Variants in SDC3 observed in about 807,000 individuals in gnomAD.
SDC3 encodes syndecan 3, also known as syndecan-3.
Under a neutral mutation model 24.4 loss-of-function variants are expected in SDC3, and 13 were observed. The observed-to-expected ratio is 0.53, with a 90% CI of 0.35 to 0.85. The LOEUF is 0.85. Among genes scored for constraint, SDC3 ranks in the 40% least tolerant of loss-of-function variants. The pLI, the probability that SDC3 is intolerant of heterozygous loss-of-function variation, is 0.01. For synonymous variants in SDC3, 295 were observed against 260.9 expected, an observed-to-expected ratio of 1.13 and a Z score of -1.26; for missense variants, 571 against 584.5, an observed-to-expected ratio of 0.98 and a Z score of 0.24.
chr1:30,894,238 CGT>C (rs1247247797), intron 1 of SDC3, among the ~76,000 whole-genome samples: 4 of 131,054 alleles, frequency 3.1e-5, no homozygotes, highest in South Asian at 2.7e-4. Flanking sequence ...GGGACGACAG[CGT>C]GTGTGTGGAT....
chr1:30,876,699 G>T lies in SDC3; in HGVS notation c.723C>A (p.Thr241=), dbSNP rs142712210. 6.2e-7 allele frequency: 1 copy of T among 1,602,300 alleles called. No individual in the cohort carries two copies. Residue 241 remains threonine, a synonymous_variant, in exon 3 of 5, where the codon ACC becomes ACA. Transcript: ENST00000339394. Reference sequence around the variant, plus strand: ...TGACCAGCCTGGGTGTTGGGGCCTCGGTGTCCAAGACAGCCGCCGTGGTGG... The same window carrying T: ...TGACCAGCCTGGGTGTTGGGGCCTCTGTGTCCAAGACAGCCGCCGTGGTGG... ...SPPTTAAVLD[T]EAPTPRLVST...
intron 1 of SDC3, among the ~76,000 whole-genome samples, chr1:30,900,594 A>G (rs1221807881): frequency 6.6e-6 from 1 of 151,814 alleles, no homozygotes; most frequent in Non-Finnish European, 1.5e-5. Flanking sequence ...ACCTCCCCCC[A>G]GCTCTCCAGG....
chr1:30,891,864 AAAG>A (rs1157667414), intron 1 of SDC3, among the ~76,000 whole-genome samples: 1 of 151,204 alleles, frequency 6.6e-6, no homozygotes, highest in African/African-American at 2.4e-5. Context: ...AAAAAAAAAA[AAAG>A]AGGAAGAAGA....
At chr1:30,899,306 C>T (rs1317285800) in intron 1 of SDC3, among the ~76,000 whole-genome samples, 1 of 152,128 alleles carries the variant, frequency 6.6e-6, no homozygotes, top group Admixed American at 6.5e-5. Context: ...AGGCTGGTCT[C>T]GAACTCCTGA....
At chr1:30,893,831 C>T (rs996239214) in intron 1 of SDC3, among the ~76,000 whole-genome samples, 2 of 152,172 alleles carry the variant, frequency 1.3e-5, no homozygotes, top group African/African-American at 2.4e-5. Flanking sequence ...CCTGCTACCC[C>T]CTAGCCTGCC....
chr1:30,876,928 G>A lies in SDC3; in HGVS notation c.494C>T (p.Thr165Ile). The A allele has an allele frequency of 6.2e-7, 1 of 1,613,804 alleles. No individual in the cohort carries two copies. Among genetic ancestry groups the A allele is most frequent in the Non-Finnish European group, 8.5e-7 (1 of 1,179,922 alleles). The change falls in exon 3 of 5, where the codon ACC (threonine) becomes ATC (isoleucine). Residue 165 changes from threonine to isoleucine, a missense_variant. Thr to Ile is a moderately conservative substitution (Grantham distance 89, BLOSUM62 -1). This residue lies in a region of SDC3 where 497 missense variants were observed against 471.6 expected (regional missense o/e 1.05). Transcript: ENST00000339394. ...RATTVSTTMA[T>I]TAATSTGDPT... ...GTCCCCTGTGCTTGTGGCAGCAGTG[G>A]TAGCCATGGTAGTGGAGACGGTGGT...
chr1:30,905,068 C>G (rs1638490665), intron 1 of SDC3, among the ~76,000 whole-genome samples: 1 of 152,120 alleles, frequency 6.6e-6, no homozygotes, highest in Admixed American at 6.5e-5. Flanking sequence ...CTGTGCCTGT[C>G]CCCCAAATGC....
chr1:30,894,626 TGA>T (rs1191761433), intron 1 of SDC3, among the ~76,000 whole-genome samples: 7 of 34,138 alleles, frequency 2.1e-4, no homozygotes, highest in South Asian at 3.4e-3. Flanking sequence ...TGAGTGTGGG[TGA>T]GAGTGTGTGG....
rs1242046600 is a variant in SDC3 at position 30,895,430 on chromosome 1, C to A, written c.138+13019G>T. Among the ~76,000 whole-genome samples the A allele has an allele frequency of 2.0e-5, 3 of 152,336 alleles. No homozygotes were observed. In the East Asian group the frequency reaches 5.8e-4, roughly 29 times the overall value. On this transcript the variant is annotated intron_variant, in intron 1 of 4. Coordinates refer to ENST00000339394, the MANE Select transcript of SDC3 (RefSeq NM_014654.4). ...CAGCTCACATGAGAATAGGATCCAG[C>A]CAGCCAGGGCTCAGCTCCCAGAGGC... is the stretch of plus-strand genomic sequence containing the variant.
At position 30,907,912 on chromosome 1, in the gene SDC3, C is replaced by A. The variant is rs977178471; in HGVS notation, c.138+537G>T. Among the ~76,000 whole-genome samples the A allele has an allele frequency of 2.6e-5, 4 of 152,222 alleles. No individual in the cohort carries two copies. The South Asian group carries it at 8.3e-4, about 32-fold the overall frequency. On this transcript the variant is annotated intron_variant, in intron 1 of 4. Transcript: ENST00000339394. The stretch of plus-strand genomic sequence containing the variant: ...CACACCCTCCCCTCGGAAGGGGAAC[C>A]GATCCGATTCCCAAAAAGTGGCCAT...
At chr1:30,878,590 C>A in intron 2 of SDC3, 33 bp downstream of exon 2, 2 of 1,560,318 alleles carry the variant, frequency 1.3e-6, no homozygotes, top group Middle Eastern at 1.7e-4. Context: ...CTGGTCACTG[C>A]CCCCAGGCAG....
At chr1:30,908,190 C>T (rs941724652) in intron 1 of SDC3, among the ~76,000 whole-genome samples, 3 of 151,498 alleles carry the variant, frequency 2.0e-5, no homozygotes, top group Non-Finnish European at 4.4e-5. Context: ...GAGAGATGCG[C>T]CCCCCGAAGA....
rs1406842949 is a variant in SDC3 at position 30,908,621 on chromosome 1, C to A, written c.-35G>T. Reference sequence around the variant, plus strand: ...GCGGGCGCGGGCGGCGGGCGGCGGGCGGGCGCCTTTGTTCCCGAGGCGCGG... The same window carrying A: ...GCGGGCGCGGGCGGCGGGCGGCGGGAGGGCGCCTTTGTTCCCGAGGCGCGG... On this transcript the variant is annotated 5_prime_UTR_variant, in exon 1 of 5. Transcript: ENST00000339394. The A allele has an allele frequency of 3.4e-6, 3 of 890,784 alleles. No individual in the cohort carries two copies. Among genetic ancestry groups the A allele is most frequent in the South Asian group, 1.0e-4 (2 of 20,030 alleles). 55.2% of individuals were successfully genotyped at this position (890,784 alleles called of 1,614,324 possible). A position where few individuals can be genotyped will look rare whatever the true frequency, so the allele number is the denominator to read the frequency against.
At chr1:30,895,191 T>C (rs1215442472) in intron 1 of SDC3, among the ~76,000 whole-genome samples, 3 of 152,116 alleles carry the variant, frequency 2.0e-5, no homozygotes, top group African/African-American at 7.2e-5. Context: ...CAGGGCCCCA[T>C]GCATCAGCAC....
chr1:30,881,715 G>A (rs1433613336), intron 1 of SDC3, among the ~76,000 whole-genome samples: 1 of 152,186 alleles, frequency 6.6e-6, no homozygotes, highest in Non-Finnish European at 1.5e-5. Flanking sequence ...GCCAGGTGCT[G>A]GGAGCATGTT....
Position 30,892,279 on chromosome 1 carries a change from C to T in SDC3, c.139-13539G>A, listed in dbSNP as rs546675963. ...CTGCTTCAGGTCTCAGCTGACCCAC[C>T]CACTCCACCAGGAATAGCTCCCTGA... On this transcript the variant is annotated intron_variant, in intron 1 of 4. Coordinates refer to ENST00000339394, the MANE Select transcript of SDC3 (RefSeq NM_014654.4). 3.9e-5 allele frequency among the ~76,000 whole-genome samples: 6 copies of T among 152,218 alleles called. No homozygotes were observed. The East Asian group carries it at 1.2e-3, about 29-fold the overall frequency.
chr1:30,898,675 C>T (rs1485223686), intron 1 of SDC3, among the ~76,000 whole-genome samples: 1 of 152,206 alleles, frequency 6.6e-6, no homozygotes, highest in African/African-American at 2.4e-5. Flanking sequence ...CCTCCCCTCC[C>T]CACCCAGGCC....
At position 30,869,766 on chromosome 1, in the gene SDC3, C is replaced by T; in HGVS notation, c.*3445G>A. ...AGGCCTGGGGGAGGGAATGGCAGAC[C>T]CCCACCCACCCCAGGCAGGTTCTGT... On this transcript the variant is annotated 3_prime_UTR_variant, in exon 5 of 5. Coordinates refer to ENST00000339394, the MANE Select transcript of SDC3 (RefSeq NM_014654.4). 2.5e-6 allele frequency: 1 copy of T among 398,560 alleles called. No homozygotes were observed. The highest frequency in any genetic ancestry group is 3.6e-5 in the East Asian group (1 of 28,054). The allele number at this position is 398,560 out of a possible 1,614,324, so 24.7% of individuals were successfully genotyped here.
At chr1:30,890,065 C>T (rs571039867) in intron 1 of SDC3, among the ~76,000 whole-genome samples, 9 of 152,280 alleles carry the variant, frequency 5.9e-5, no homozygotes, top group African/African-American at 1.9e-4. Flanking sequence ...AATCCCAACA[C>T]TTTGGGAGGC....
Sources: gnomAD v4.1 joint callset for allele counts (sites outside exome capture counted in the v4.1 genomes callset) on GRCh38, gnomAD v4.1.1 for gene constraint, gnomAD v4.1.1 regional missense constraint, MANE v1.5 for transcripts, NCBI Gene and HGNC (gene_info 2026-07-23, HGNC 2026-07-21) for gene names.